FGF1: variants seen among roughly 807,000 people sequenced by gnomAD.
FGF1 encodes fibroblast growth factor 1.
Under a neutral mutation model 13.4 loss-of-function variants are expected in FGF1, and 9 were observed. The observed-to-expected ratio is 0.67, with a 90% CI of 0.40 to 1.17. The LOEUF (loss-of-function observed/expected upper bound fraction) is 1.17, where lower values mean the gene tolerates loss of function less well. Ranked by LOEUF, FGF1 falls within the 50% of genes most tolerant of loss-of-function variation. The probability of loss-of-function intolerance (pLI) is 0.01; values close to 1 mark genes in which losing one functional copy is unlikely to be tolerated. For synonymous variants in FGF1, 93 were observed against 79.0 expected, an observed-to-expected ratio of 1.18 and a Z score of -0.94; for missense variants, 156 against 192.7, an observed-to-expected ratio of 0.81 and a Z score of 1.13.
At position 142,621,574 on chromosome 5, in the gene FGF1, C is replaced by CT. The variant is rs11464507; in HGVS notation, c.-34-7414dup. On this transcript the variant is annotated intron_variant, in intron 1 of 3. Transcript: ENST00000337706. ...TACCAGTTTAGGTGGGTTCATTCCC[C>CT]TGTGCTCTCCCAACAGCAGACAGCA... Among the ~76,000 whole-genome samples, 1,418 of 152,250 alleles carry CT rather than the reference C, an allele frequency of 9.3e-3. 30 individuals are homozygous for CT. Among genetic ancestry groups the CT allele is most frequent in the African/African-American group, 0.031 (1,302 of 41,528 alleles).
At chr5:142,659,809 C>A (rs1396345590) in intron 1 of FGF1, among the ~76,000 whole-genome samples, 2 of 152,138 alleles carry the variant, frequency 1.3e-5, no homozygotes, top group Non-Finnish European at 2.9e-5. Flanking sequence ...TCAGCCTGGC[C>A]CATCCAAATG....
intron 1 of FGF1, among the ~76,000 whole-genome samples, chr5:142,623,381 G>A (rs1007376198): frequency 6.8e-6 from 1 of 147,470 alleles, no homozygotes; most frequent in Non-Finnish European, 1.5e-5. Flanking sequence ...GTCTCGTTCT[G>A]TCGCCCAGGC....
chr5:142,674,440 C>A (rs1301342073), intron 1 of FGF1, among the ~76,000 whole-genome samples: 1 of 152,176 alleles, frequency 6.6e-6, no homozygotes, highest in Non-Finnish European at 1.5e-5. Flanking sequence ...GACACCTTTC[C>A]AAGGCAGCCC....
intron 2 of FGF1, among the ~76,000 whole-genome samples, chr5:142,612,406 G>C (rs2151866765): frequency 6.6e-6 from 1 of 152,234 alleles, no homozygotes; most frequent in Non-Finnish European, 1.5e-5. Flanking sequence ...TTTCCTCTTG[G>C]GTTCTGAGGA....
At position 142,666,918 on chromosome 5, in the gene FGF1, A is replaced by AAAAAAC. The variant is rs200503430; in HGVS notation, c.-35+19033_-35+19038dup. Among the ~76,000 whole-genome samples, 390 of 152,110 alleles carry AAAAAAC rather than the reference A, an allele frequency of 2.6e-3. 3 individuals are homozygous for AAAAAAC. In the East Asian group the frequency reaches 0.034, roughly 13 times the overall value. ...TGCCACTGCAGTGAGGCCTTGTCTCAAAAAACAAAAACAAAAACAAAAACA... is the reference window on the plus strand; with the variant it reads ...TGCCACTGCAGTGAGGCCTTGTCTCAAAAAACAAAAACAAAAACAAAAACAAAAACA... On this transcript the variant is annotated intron_variant, in intron 1 of 3. Transcript: ENST00000337706.
chr5:142,623,748 T>TTC (rs1231388348), intron 1 of FGF1, among the ~76,000 whole-genome samples: 2 of 148,560 alleles, frequency 1.3e-5, no homozygotes, highest in African/African-American at 4.9e-5. Context: ...TTAAAAAAAT[T>TTC]TTTTTTTTTT....
intron 1 of FGF1, among the ~76,000 whole-genome samples, chr5:142,644,864 A>G (rs1042081852): frequency 1.3e-5 from 2 of 152,222 alleles, no homozygotes; most frequent in African/African-American, 2.4e-5. Flanking sequence ...ACAAAACCTT[A>G]GCACACATGA....
At chr5:142,673,147 G>C (rs1357363028) in intron 1 of FGF1, among the ~76,000 whole-genome samples, 2 of 152,116 alleles carry the variant, frequency 1.3e-5, no homozygotes, top group Admixed American at 6.5e-5. Flanking sequence ...TTCTTGGAGA[G>C]CACGGAAAAC....
intron 2 of FGF1, among the ~76,000 whole-genome samples, chr5:142,603,596 AG>A (rs1597059320): frequency 6.6e-6 from 1 of 152,304 alleles, no homozygotes; most frequent in East Asian, 1.9e-4. Flanking sequence ...CCCTGCACAC[AG>A]GGGGCAGTCT....
At chr5:142,617,644 C>T (rs1474184599) in intron 1 of FGF1, among the ~76,000 whole-genome samples, 1 of 152,082 alleles carries the variant, frequency 6.6e-6, no homozygotes, top group African/African-American at 2.4e-5. Context: ...CAACTGAAAA[C>T]CTGAAGGAGA....
chr5:142,682,927 C>T (rs6580255), intron 1 of FGF1, among the ~76,000 whole-genome samples: 4,980 of 152,182 alleles, frequency 0.033, 293 homozygotes, highest in African/African-American at 0.11. Flanking sequence ...GTTGGACACG[C>T]TAGCCCAGGC....
At chr5:142,677,122 T>A (rs1242406312) in intron 1 of FGF1, among the ~76,000 whole-genome samples, 3 of 152,216 alleles carry the variant, frequency 2.0e-5, no homozygotes, top group Non-Finnish European at 4.4e-5. Flanking sequence ...CATTCTCAAC[T>A]TTCCTTTAGT....
chr5:142,612,892 G>A (rs1216925897), intron 2 of FGF1, among the ~76,000 whole-genome samples: 1 of 152,214 alleles, frequency 6.6e-6, no homozygotes, highest in African/African-American at 2.4e-5. Flanking sequence ...TTTGTTCTTA[G>A]AGCCTGCAAC....
At chr5:142,668,421 A>G (rs1597397698) in intron 1 of FGF1, among the ~76,000 whole-genome samples, 1 of 152,366 alleles carries the variant, frequency 6.6e-6, no homozygotes, top group East Asian at 1.9e-4. Flanking sequence ...GACTTGTCAC[A>G]TGACCTTGGG....
In FGF1 at chr5:142,640,359, G is replaced by A. The variant is rs528098235; in HGVS notation, c.-34-26198C>T. On this transcript the variant is annotated intron_variant, in intron 1 of 3. Coordinates refer to ENST00000337706, the MANE Select transcript of FGF1 (RefSeq NM_000800.5). ...AAAATCTAAAATGGTGCTAATTCCCGTATCTCCTGGTAGAAAGGAGCCCAC... is the reference window on the plus strand; with the variant it reads ...AAAATCTAAAATGGTGCTAATTCCCATATCTCCTGGTAGAAAGGAGCCCAC... Among the ~76,000 whole-genome samples, 11 of 144,262 alleles carry A rather than the reference G, an allele frequency of 7.6e-5. No individual in the cohort carries two copies. In the South Asian group the frequency reaches 8.9e-4, roughly 12 times the overall value. 94.6% of individuals were successfully genotyped at this position (144,262 alleles called of 152,430 possible). A position where few individuals can be genotyped will look rare whatever the true frequency, so the allele number is the denominator to read the frequency against.
chr5:142,661,839 T>C (rs1026569616), intron 1 of FGF1, among the ~76,000 whole-genome samples: 3 of 151,952 alleles, frequency 2.0e-5, no homozygotes, highest in Non-Finnish European at 4.4e-5. Context: ...CCGTCTCTAC[T>C]AAAAATACAA....
rs929377498 is a variant in FGF1 at position 142,593,540 on chromosome 5, T to G, written c.*1750A>C. The G allele has an allele frequency of 3.3e-5, 5 of 152,220 alleles. No individual in the cohort carries two copies. The highest frequency in any genetic ancestry group is 1.2e-4 in the African/African-American group (5 of 41,448). The allele number at this position is 152,220 out of a possible 1,614,324, so 9.4% of individuals were successfully genotyped here. A position where few individuals can be genotyped will look rare whatever the true frequency, so the allele number is the denominator to read the frequency against. On this transcript the variant is annotated 3_prime_UTR_variant, in exon 4 of 4. Transcript: ENST00000337706. The stretch of plus-strand genomic sequence containing the variant: ...TTTTTAGTTAACAATTACTTCAATT[T>G]CATATGAAACAGGAGCTAACACTCT...
At chr5:142,679,771 G>A (rs72796623) in intron 1 of FGF1, among the ~76,000 whole-genome samples, 1 of 152,314 alleles carries the variant, frequency 6.6e-6, no homozygotes, top group Non-Finnish European at 1.5e-5. Flanking sequence ...TTTGCAGCAT[G>A]TGTAGGCCTT....
intron 1 of FGF1, among the ~76,000 whole-genome samples, chr5:142,649,045 A>G (rs1347785501): frequency 6.6e-6 from 1 of 152,258 alleles, no homozygotes; most frequent in Non-Finnish European, 1.5e-5. Flanking sequence ...AAGGAAAATA[A>G]GAAACACCTG....
Sources: gnomAD v4.1 joint callset for allele counts (sites outside exome capture counted in the v4.1 genomes callset) on GRCh38, gnomAD v4.1.1 for gene constraint, MANE v1.5 for transcripts, NCBI Gene and HGNC (gene_info 2026-07-23, HGNC 2026-07-21) for gene names.